The following ARHGAP6 variants were observed in gnomAD, a reference collection of about 807,000 sequenced individuals.
ARHGAP6 encodes the protein rho GTPase-activating protein 6.
A neutral mutation model predicts 55.7 loss-of-function variants in ARHGAP6; 16 were observed. The observed-to-expected ratio is 0.29, with a 90% CI of 0.19 to 0.44. ARHGAP6 has a LOEUF of 0.44. Ranked by LOEUF, ARHGAP6 falls within the 20% of genes least tolerant of loss-of-function variation. The probability of loss-of-function intolerance (pLI) is 1.00; values close to 1 mark genes in which losing one functional copy is unlikely to be tolerated. For synonymous variants in ARHGAP6, 382 were observed against 360.9 expected (o/e 1.06, Z -0.66); for missense variants, 698 against 808.9 (o/e 0.86, Z 1.66).
chrX:11,386,166 GCTCCC>G (rs1258316187), intron 1 of ARHGAP6, among the ~76,000 whole-genome samples: 2 of 113,019 alleles, frequency 1.8e-5, no homozygotes, highest in Non-Finnish European at 3.7e-5. Context: ...GTTGTGGGAA[GCTCCC>G]CTGCCAAATC....
At chrX:11,551,004 T>C (rs1037959050) in intron 1 of ARHGAP6, among the ~76,000 whole-genome samples, 1 of 111,476 alleles carries the variant, frequency 9.0e-6, no homozygotes, top group African/African-American at 3.3e-5. Context: ...TTAGGGGGCA[T>C]TGAGTAAAAA....
chrX:11,299,080 T>C, intron 1 of ARHGAP6: 1 of 943,972 alleles, frequency 1.1e-6, no homozygotes, highest in Non-Finnish European at 1.5e-6. Context: ...AGAGTTGTAG[T>C]AGTTACAGGT....
Position 11,294,749 on chromosome X carries a change from G to A in ARHGAP6, c.589-40042C>T, listed in dbSNP as rs759170832. ...TACATCCATGTTTCAGAAGAGATAAGAAAAGTGGATGTTGACTTACATTTC... is the reference window on the plus strand; with the variant it reads ...TACATCCATGTTTCAGAAGAGATAAAAAAAGTGGATGTTGACTTACATTTC... On this transcript the variant is annotated intron_variant, in intron 1 of 12. Coordinates refer to ENST00000337414, the MANE Select transcript of ARHGAP6 (RefSeq NM_013427.3). 6 of 1,194,406 alleles carry A rather than the reference G, an allele frequency of 5.0e-6. No individual in the cohort carries two copies. In the South Asian group the frequency reaches 1.1e-4, roughly 21 times the overall value.
At chrX:11,580,476 A>C (rs780872867) in intron 1 of ARHGAP6, among the ~76,000 whole-genome samples, 1 of 112,010 alleles carries the variant, frequency 8.9e-6, no homozygotes, top group East Asian at 2.8e-4. Flanking sequence ...AGGATGATGA[A>C]TAATCTTTCA....
chrX:11,289,894 A>G (rs996488562), intron 1 of ARHGAP6, among the ~76,000 whole-genome samples: 2 of 111,788 alleles, frequency 1.8e-5, no homozygotes, highest in Non-Finnish European at 3.8e-5. Flanking sequence ...CTGAGGCAGG[A>G]GAGTCACTTA....
intron 1 of ARHGAP6, among the ~76,000 whole-genome samples, chrX:11,277,621 C>T (rs947655003): frequency 9.0e-6 from 1 of 110,706 alleles, no homozygotes; most frequent in African/African-American, 3.3e-5. Flanking sequence ...TGATAAGGAA[C>T]ACAATCCTTC....
intron 1 of ARHGAP6, among the ~76,000 whole-genome samples, chrX:11,387,765 T>C (rs763191472): frequency 8.7e-4 from 96 of 110,579 alleles, no homozygotes; most frequent in African/African-American, 2.6e-3. Context: ...CATGTGTTCT[T>C]ATTGTTCAAT....
rs1023859771 is a variant in ARHGAP6, at chrX:11,665,289, G to A, written c.-461C>T. ...GGCCCGAGGACAGTCCCGAGGGCCA[G>A]GGAGAAGGCTGCCTGGGCGTGCGCC... On this transcript the variant is annotated 5_prime_UTR_variant, in exon 1 of 13. Coordinates refer to ENST00000337414, the MANE Select transcript of ARHGAP6 (RefSeq NM_013427.3). 4 of 114,544 alleles carry A rather than the reference G, an allele frequency of 3.5e-5. No homozygotes were observed. The highest frequency in any genetic ancestry group is 1.3e-4 in the African/African-American group (4 of 31,224). The allele number at this position is 114,544 out of a possible 1,213,427, so 9.4% of individuals were successfully genotyped here.
intron 1 of ARHGAP6, among the ~76,000 whole-genome samples, chrX:11,408,998 T>A (rs2049647325): frequency 9.1e-6 from 1 of 109,946 alleles, no homozygotes; most frequent in African/African-American, 3.3e-5. Flanking sequence ...TACTCCAATA[T>A]CCTTACTCTG....
chrX:11,656,261 C>T (rs997133661), intron 1 of ARHGAP6, among the ~76,000 whole-genome samples: 6 of 112,446 alleles, frequency 5.3e-5, no homozygotes, highest in East Asian at 2.8e-4. Flanking sequence ...CTTAAATACA[C>T]GCCATTCCTT....
chrX:11,501,784 G>A (rs2050682062), intron 1 of ARHGAP6, among the ~76,000 whole-genome samples: 1 of 111,597 alleles, frequency 9.0e-6, no homozygotes. Context: ...TCATTAAGTA[G>A]GAGTGGATAG....
At chrX:11,509,401 C>A (rs2050763730) in intron 1 of ARHGAP6, among the ~76,000 whole-genome samples, 1 of 111,503 alleles carries the variant, frequency 9.0e-6, no homozygotes, top group African/African-American at 3.3e-5. Context: ...GAGATGTCTT[C>A]TTTAAGTTGT....
chrX:11,504,264 G>A (rs1380772685), intron 1 of ARHGAP6, among the ~76,000 whole-genome samples: 2 of 111,923 alleles, frequency 1.8e-5, no homozygotes, highest in Non-Finnish European at 3.8e-5. Context: ...TTGGAAAGCA[G>A]GTAGAGTACA....
intron 1 of ARHGAP6, among the ~76,000 whole-genome samples, chrX:11,533,485 T>C (rs911762795): frequency 4.4e-5 from 5 of 112,417 alleles, no homozygotes; most frequent in Admixed American, 9.4e-5. Context: ...GGTGGAACTA[T>C]CAAAACCTAC....
chrX:11,420,936 G>T (rs2049816256), intron 1 of ARHGAP6, among the ~76,000 whole-genome samples: 1 of 112,050 alleles, frequency 8.9e-6, no homozygotes, highest in African/African-American at 3.2e-5. Flanking sequence ...GCTGTTAGAC[G>T]GTCATAAAGG....
rs1042912668 is a variant in ARHGAP6 at position 11,356,205 on chromosome X, T to G, written c.589-101498A>C. Among the ~76,000 whole-genome samples, 5 of 109,047 alleles carry G rather than the reference T, an allele frequency of 4.6e-5. No homozygotes were observed. In the East Asian group the frequency reaches 1.4e-3, roughly 31 times the overall value. The allele number at this position is 109,047 out of a possible 115,157, so 94.7% of individuals were successfully genotyped here. On this transcript the variant is annotated intron_variant, in intron 1 of 12. Coordinates refer to ENST00000337414, the MANE Select transcript of ARHGAP6 (RefSeq NM_013427.3). ...ACATGTTCTCACTCATAAGTGGGAG[T>G]TGAACAAAGAGAACACATGGACACA...
intron 1 of ARHGAP6, 64 bp downstream of exon 1, chrX:11,664,177 G>A (rs2052728728): frequency 2.0e-6 from 2 of 1,019,722 alleles, no homozygotes; most frequent in East Asian, 6.2e-5. Flanking sequence ...AATTAAAGGC[G>A]GTCTCCTGAA....
intron 1 of ARHGAP6, among the ~76,000 whole-genome samples, chrX:11,594,310 C>T (rs1396449582): frequency 1.8e-5 from 2 of 111,909 alleles, no homozygotes; most frequent in Non-Finnish European, 3.8e-5. Flanking sequence ...GGTCTCAGTT[C>T]AGCAGAGAAG....
chrX:11,173,627 A>C (rs2046126124), intron 8 of ARHGAP6, among the ~76,000 whole-genome samples: 1 of 112,523 alleles, frequency 8.9e-6, no homozygotes, highest in Admixed American at 9.3e-5. Context: ...AAACAAACAC[A>C]AGATAGCAAA....
Sources: allele counts gnomAD v4.1 joint callset (sites outside exome capture counted in the v4.1 genomes callset), GRCh38; gene constraint gnomAD v4.1.1; transcripts MANE v1.5; gene names NCBI Gene and HGNC (gene_info 2026-07-23, HGNC 2026-07-21).